SNX1: variants seen among roughly 807,000 people sequenced by gnomAD.
The protein encoded by SNX1 is sorting nexin 1, also known as sorting nexin-1.
In SNX1, 36 loss-of-function variants were observed where a neutral mutation model predicts 71.8. That is an observed-to-expected ratio of 0.50 (90% CI 0.38 to 0.66). The LOEUF is 0.66. SNX1 is among the 30% of genes least tolerant of loss of function. SNX1 has a pLI of 0.00. For synonymous variants in SNX1, 254 were observed against 240.7 expected (o/e 1.06, Z -0.51); for missense variants, 612 against 646.7 (o/e 0.95, Z 0.58).
chr15:64,110,132 A>G (rs899952753), intron 1 of SNX1, among the ~76,000 whole-genome samples: 1 of 152,232 alleles, frequency 6.6e-6, no homozygotes, highest in East Asian at 1.9e-4. Context: ...ACGCTTTTTA[A>G]TGACATGAGA....
At chr15:64,102,519 C>T (rs1045974364) in intron 1 of SNX1, among the ~76,000 whole-genome samples, 8 of 152,140 alleles carry the variant, frequency 5.3e-5, no homozygotes, top group Admixed American at 1.3e-4. Flanking sequence ...ACCAACTTCT[C>T]CTCATCCTGC....
chr15:64,125,976 C>T (rs1567328012), intron 5 of SNX1, 103 bp from the exon 6 acceptor site: 5 of 1,214,000 alleles, frequency 4.1e-6, no homozygotes, highest in Non-Finnish European at 6.0e-6. Flanking sequence ...GACTGAAGGG[C>T]AGGGATCTGG....
Position 64,137,978 on chromosome 15 carries a change from G to C in SNX1, c.*360G>C. On this transcript the variant is annotated 3_prime_UTR_variant, in exon 15 of 15. Coordinates refer to ENST00000559844, the MANE Select transcript of SNX1 (RefSeq NM_003099.5). ...TTACTCCTGATGGTGCCATGAAAAGGTTATGTAATAAAATATTTTAAAATC... is the reference window on the plus strand; with the variant it reads ...TTACTCCTGATGGTGCCATGAAAAGCTTATGTAATAAAATATTTTAAAATC... The C allele has an allele frequency of 6.9e-7, 1 of 1,459,450 alleles. No individual in the cohort carries two copies. The highest frequency in any genetic ancestry group is 2.5e-5 in the East Asian group (1 of 40,044). 90.4% of individuals were successfully genotyped at this position (1,459,450 alleles called of 1,614,324 possible).
At chr15:64,128,437 T>C (rs532459031) in intron 8 of SNX1, among the ~76,000 whole-genome samples, 1 of 152,282 alleles carries the variant, frequency 6.6e-6, no homozygotes, top group African/African-American at 2.4e-5. Context: ...TCATTAAGGA[T>C]CAAAAGAAAC....
chr15:64,112,702 AGTT>A lies in SNX1; in HGVS notation c.271+19_271+21del. ...CTTTGCAGGCAAGTTTGGACTCAAA[AGTT>A]ACTCTAGGAACCTCCTAAATGGCTT... On this transcript the variant is annotated intron_variant, in intron 2 of 14. Transcript: ENST00000559844. 6.5e-7 allele frequency: 1 copy of A among 1,536,280 alleles called. No homozygotes were observed. Among genetic ancestry groups the A allele is most frequent in the Non-Finnish European group, 9.0e-7 (1 of 1,113,218 alleles).
At position 64,137,697 on chromosome 15, in the gene SNX1, G is replaced by A. The variant is rs1270570425; in HGVS notation, c.*79G>A. 2 of 1,605,268 alleles carry A rather than the reference G, an allele frequency of 1.2e-6. No individual in the cohort carries two copies. The highest frequency in any genetic ancestry group is 1.7e-6 in the Non-Finnish European group (2 of 1,174,688). ...CCTCCTCCACCTTGATGGACCCCTAGTGATGCATCCTGCCTAGGCTGGACT... is the reference window on the plus strand; with the variant it reads ...CCTCCTCCACCTTGATGGACCCCTAATGATGCATCCTGCCTAGGCTGGACT... On this transcript the variant is annotated 3_prime_UTR_variant, in exon 15 of 15. Coordinates refer to ENST00000559844, the MANE Select transcript of SNX1 (RefSeq NM_003099.5).
At chr15:64,110,801 G>A (rs2081070749) in intron 1 of SNX1, among the ~76,000 whole-genome samples, 1 of 152,196 alleles carries the variant, frequency 6.6e-6, no homozygotes, top group Admixed American at 6.5e-5. Flanking sequence ...TCTCTTGAGG[G>A]AAAGATAGAC....
Position 64,129,860 on chromosome 15 carries a change from G to A in SNX1, c.808-56G>A. 5.5e-6 allele frequency: 7 copies of A among 1,277,138 alleles called. No homozygotes were observed. Among genetic ancestry groups the A allele is most frequent in the Non-Finnish European group, 8.0e-6 (7 of 874,272 alleles). The allele number at this position is 1,277,138 out of a possible 1,614,324, so 79.1% of individuals were successfully genotyped here. On this transcript the variant is annotated intron_variant, in intron 8 of 14. Transcript: ENST00000559844. This position sits in a 1 kb window ranked among gnomAD's most constrained non-coding sequence, Gnocchi z 4.4. ...CCATCTGATGGATACTAATTCTTCT[G>A]AACCTAAAATAGGGGCAGCAGATAA...
intron 4 of SNX1, among the ~76,000 whole-genome samples, chr15:64,119,676 A>G (rs905674599): frequency 6.6e-6 from 1 of 151,356 alleles, no homozygotes; most frequent in African/African-American, 2.4e-5. Context: ...GTGAGCTGAG[A>G]TCATGCCACT....
chr15:64,131,760 G>A lies in SNX1; in HGVS notation c.1089G>A (p.Leu363=). 1 of 1,614,204 alleles carries A rather than the reference G, an allele frequency of 6.2e-7. No individual in the cohort carries two copies. The highest frequency in any genetic ancestry group is 8.5e-7 in the Non-Finnish European group (1 of 1,180,046). ...GGAGCTCTGAGGACAACACGGCATTGTCACGGGCACTCTCCCAGCTGGCTG... is the reference window on the plus strand; with the variant it reads ...GGAGCTCTGAGGACAACACGGCATTATCACGGGCACTCTCCCAGCTGGCTG... ...MLGSSEDNTA[L]SRALSQLAEV... Residue 363 remains leucine, a synonymous_variant, in exon 11 of 15, where the codon TTG becomes TTA. Coordinates refer to ENST00000559844, the MANE Select transcript of SNX1 (RefSeq NM_003099.5).
chr15:64,125,406 A>G (rs1048442713), intron 5 of SNX1, among the ~76,000 whole-genome samples: 2 of 148,920 alleles, frequency 1.3e-5, no homozygotes, highest in Non-Finnish European at 3.0e-5. Context: ...TGGAGGTTGC[A>G]GTGAGCCAAG....
At position 64,141,379 on chromosome 15, in the gene SNX1, G is replaced by A. The variant is rs1308892299; in HGVS notation, c.*3761G>A. 1.3e-5 allele frequency: 2 copies of A among 152,264 alleles called. No homozygotes were observed. Among genetic ancestry groups the A allele is most frequent in the Non-Finnish European group, 2.9e-5 (2 of 68,074 alleles). 9.4% of individuals were successfully genotyped at this position (152,264 alleles called of 1,614,324 possible). ...TAGGGCTTGTGCATTTTTGTAAAGAGCTTGCACGTGTGGAAATCAAGTAGG... is the reference window on the plus strand; with the variant it reads ...TAGGGCTTGTGCATTTTTGTAAAGAACTTGCACGTGTGGAAATCAAGTAGG... On this transcript the variant is annotated 3_prime_UTR_variant, in exon 15 of 15. Transcript: ENST00000559844. The surrounding 1 kb of genome is among the most constrained non-coding windows in gnomAD (Gnocchi z 5.1).
In SNX1 at chr15:64,138,175, C is replaced by G. The variant is rs976594462; in HGVS notation, c.*557C>G. Reference sequence around the variant, plus strand: ...TGGAAATGGGGTTTCTTTCTCTCCGCCTACCTCAGCTACCTGTTCTGAGGG... The same window carrying G: ...TGGAAATGGGGTTTCTTTCTCTCCGGCTACCTCAGCTACCTGTTCTGAGGG... On this transcript the variant is annotated 3_prime_UTR_variant, in exon 15 of 15. Coordinates refer to ENST00000559844, the MANE Select transcript of SNX1 (RefSeq NM_003099.5). 6.5e-7 allele frequency: 1 copy of G among 1,535,302 alleles called. No individual in the cohort carries two copies. The highest frequency in any genetic ancestry group is 1.4e-5 in the African/African-American group (1 of 73,018).
chr15:64,138,298 C>A lies in SNX1; in HGVS notation c.*680C>A. 2.9e-6 allele frequency: 3 copies of A among 1,046,222 alleles called. No homozygotes were observed. Among genetic ancestry groups the A allele is most frequent in the Non-Finnish European group, 3.9e-6 (3 of 772,262 alleles). The allele number at this position is 1,046,222 out of a possible 1,614,324, so 64.8% of individuals were successfully genotyped here. On this transcript the variant is annotated 3_prime_UTR_variant, in exon 15 of 15. Coordinates refer to ENST00000559844, the MANE Select transcript of SNX1 (RefSeq NM_003099.5). ...AAATCTATTAAAACCTATTCTCCTG[C>A]AAAGGAGGCAGAGACTTTCTCTCTC...
Position 64,134,683 on chromosome 15 carries a change from T to A in SNX1, c.1241T>A (p.Met414Lys). Residue 414 changes from methionine (M) to lysine (K), a missense_variant, in exon 12 of 15, where the codon ATG becomes AAG. Met to Lys is a moderately conservative substitution (Grantham distance 95). Around this residue, in one of 2 missense-constraint regions of SNX1, gnomAD observed 296 missense variants for 361.9 expected, o/e 0.82. Transcript: ENST00000559844. This position sits in a 1 kb window ranked among gnomAD's most constrained non-coding sequence, Gnocchi z 4.1. ...AIVRAAFDQR[M>K]KTWQRWQDAQ... ...CCACAGGCTGCCTTCGACCAGCGCA[T>A]GAAGACATGGCAGCGCTGGCAGGAT... The A allele has an allele frequency of 3.7e-6, 6 of 1,613,148 alleles. No homozygotes were observed. Among genetic ancestry groups the A allele is most frequent in the Non-Finnish European group, 5.1e-6 (6 of 1,179,878 alleles).
At position 64,096,905 on chromosome 15, in the gene SNX1, C is replaced by T. The variant is rs561175023; in HGVS notation, c.159+733C>T. Among the ~76,000 whole-genome samples, 16 of 152,284 alleles carry T rather than the reference C, an allele frequency of 1.1e-4. No homozygotes were observed. The South Asian group carries it at 3.1e-3, about 30-fold the overall frequency. On this transcript the variant is annotated intron_variant, in intron 1 of 14. Coordinates refer to ENST00000559844, the MANE Select transcript of SNX1 (RefSeq NM_003099.5). Reference sequence around the variant, plus strand: ...CCCTTGAGTGTAGGTTGTCGAGGTTCTTGGCATTTTGAACAAATAATTGGA... The same window carrying T: ...CCCTTGAGTGTAGGTTGTCGAGGTTTTTGGCATTTTGAACAAATAATTGGA...
At position 64,100,618 on chromosome 15, in the gene SNX1, A is replaced by G. The variant is rs200220306; in HGVS notation, c.159+4446A>G. Among the ~76,000 whole-genome samples, 170 of 151,674 alleles carry G rather than the reference A, an allele frequency of 1.1e-3. No individual in the cohort carries two copies. The East Asian group carries it at 0.021, about 19-fold the overall frequency. The stretch of plus-strand genomic sequence containing the variant: ...AAACTCCATCTCAAAAAAAAAAAAA[A>G]AAAAAAAAGAGACTCAAAAAAATTA... On this transcript the variant is annotated intron_variant, in intron 1 of 14. Transcript: ENST00000559844.
At position 64,127,757 on chromosome 15, in the gene SNX1, C is replaced by T; in HGVS notation, c.758C>T (p.Pro253Leu). Residue 253 changes from proline (P) to leucine (L), a missense_variant, in exon 8 of 15, where the codon CCT (proline) becomes CTT (leucine). Around this residue, in one of 2 missense-constraint regions of SNX1, gnomAD observed 296 missense variants for 361.9 expected, o/e 0.82. Transcript: ENST00000559844. ...ERYLQRIVNH[P>L]TMLQDPDVRE... is the part of the protein sequence containing the mutation. ...TACCTTCAGAGGATTGTAAATCATC[C>T]TACCATGTTACAGGACCCTGACGTC... 1 of 1,613,912 alleles carries T rather than the reference C, an allele frequency of 6.2e-7. No homozygotes were observed. The highest frequency in any genetic ancestry group is 8.5e-7 in the Non-Finnish European group (1 of 1,179,838).
intron 2 of SNX1, chr15:64,115,459 C>T: frequency 3.2e-6 from 1 of 313,130 alleles, no homozygotes; most frequent in African/African-American, 2.3e-5. Context: ...GAATGCTTTT[C>T]CAGTACTCTT....
Sources: gnomAD v4.1 joint callset for allele counts (sites outside exome capture counted in the v4.1 genomes callset) on GRCh38, gnomAD v4.1.1 for gene constraint, gnomAD v4.1.1 regional missense constraint, Gnocchi (gnomAD v3.1) non-coding constraint, MANE v1.5 for transcripts, NCBI Gene and HGNC (gene_info 2026-07-23, HGNC 2026-07-21) for gene names.